Variants in CFLAR observed in about 807,000 individuals in gnomAD.
CFLAR encodes the protein CASP8 and FADD like apoptosis regulator, also known as CASP8 and FADD-like apoptosis regulator.
A neutral mutation model predicts 51.1 loss-of-function variants in CFLAR; 14 were observed. The observed-to-expected ratio is 0.27, with a 90% CI of 0.18 to 0.43. CFLAR has a LOEUF of 0.43. CFLAR is among the 20% of genes least tolerant of loss of function. The probability of loss-of-function intolerance (pLI) is 1.00; values close to 1 mark genes in which losing one functional copy is unlikely to be tolerated. For synonymous variants in CFLAR, 210 were observed against 211.6 expected (o/e 0.99, Z 0.06); for missense variants, 390 against 566.5 (o/e 0.69, Z 3.16).
At chr2:201,142,080 A>G (rs1939050692) in intron 5 of CFLAR, 1 of 152,142 alleles carries the variant, frequency 6.6e-6, no homozygotes, top group Non-Finnish European at 1.5e-5. Context: ...GTTCGAGACA[A>G]ACCTGGTCAA....
At chr2:201,148,864 A>T in intron 6 of CFLAR, 139 bp from the exon 7 acceptor site, 1 of 624,360 alleles carries the variant, frequency 1.6e-6, no homozygotes. Flanking sequence ...CCTTGGGGCC[A>T]AGTATAGCTG....
intron 3 of CFLAR, among the ~76,000 whole-genome samples, chr2:201,133,338 C>A (rs2049579633): frequency 6.6e-6 from 1 of 152,162 alleles, no homozygotes; most frequent in African/African-American, 2.4e-5. Flanking sequence ...CTGGTGTGGT[C>A]TTGGATGTTT....
chr2:201,139,038 G>A (rs867100345), intron 4 of CFLAR: 1 of 443,978 alleles, frequency 2.3e-6, no homozygotes, highest in Admixed American at 2.6e-5. Flanking sequence ...TTGTTACTGT[G>A]TCTGTGTAGA....
chr2:201,164,657 A>C lies in CFLAR; in HGVS notation c.*684A>C, dbSNP rs536954123. Reference sequence around the variant, plus strand: ...TGCCTTTCCCAGTCCACTGACTCAAATGTTAAATCTCCTTTGGCAGCACCC... The same window carrying C: ...TGCCTTTCCCAGTCCACTGACTCAACTGTTAAATCTCCTTTGGCAGCACCC... On this transcript the variant is annotated 3_prime_UTR_variant, in exon 10 of 10. Transcript: ENST00000309955. 5.9e-5 allele frequency: 9 copies of C among 152,278 alleles called. No homozygotes were observed. The highest frequency in any genetic ancestry group is 6.5e-5 in the Admixed American group (1 of 15,290). The allele number at this position is 152,278 out of a possible 1,614,324, so 9.4% of individuals were successfully genotyped here.
At chr2:201,159,989 G>A (rs1261965028) in intron 8 of CFLAR, among the ~76,000 whole-genome samples, 1 of 152,178 alleles carries the variant, frequency 6.6e-6, no homozygotes, top group African/African-American at 2.4e-5. Flanking sequence ...TTGGCAGGAA[G>A]CCTGTTCTTC....
Position 201,165,239 on chromosome 2 carries a change from T to C in CFLAR, c.*1266T>C, listed in dbSNP as rs1012078509. ...CCATTGTTTGAAATATCATTAGAGT[T>C]GCTTATTATTATTATTATTATTATT... On this transcript the variant is annotated 3_prime_UTR_variant, in exon 10 of 10. Coordinates refer to ENST00000309955, the MANE Select transcript of CFLAR (RefSeq NM_003879.7). 8.7e-6 allele frequency: 1 copy of C among 115,014 alleles called. No homozygotes were observed. The highest frequency in any genetic ancestry group is 3.3e-5 in the African/African-American group (1 of 30,262). The allele number at this position is 115,014 out of a possible 1,614,324, so 7.1% of individuals were successfully genotyped here.
intron 2 of CFLAR, among the ~76,000 whole-genome samples, chr2:201,131,332 T>C (rs1290430477): frequency 6.6e-6 from 1 of 152,110 alleles, no homozygotes; most frequent in Non-Finnish European, 1.5e-5. Flanking sequence ...TGCTTCTGGG[T>C]TCAAGTGATT....
At chr2:201,145,520 T>A in intron 6 of CFLAR, 88 bp downstream of exon 6, 1 of 844,196 alleles carries the variant, frequency 1.2e-6, no homozygotes, top group Non-Finnish European at 2.0e-6. Context: ...GGTCATTTCC[T>A]TTATCTACAT....
In CFLAR at chr2:201,138,460, A is replaced by G; in HGVS notation, c.524-1897A>G. 1 of 886,788 alleles carries G rather than the reference A, an allele frequency of 1.1e-6. No individual in the cohort carries two copies. The highest frequency in any genetic ancestry group is 1.9e-6 in the Non-Finnish European group (1 of 525,096). The allele number at this position is 886,788 out of a possible 1,614,324, so 54.9% of individuals were successfully genotyped here. On this transcript the variant is annotated intron_variant, in intron 4 of 9. Transcript: ENST00000309955. The surrounding 1 kb of genome is among the most constrained non-coding windows in gnomAD (Gnocchi z 4.0). ...GCTTCCTTTCTTACTAAGCTGCAGG[A>G]TCTCATTTGCCTCTTTCAACCTCAC...
chr2:201,133,129 G>A lies in CFLAR; in HGVS notation c.382G>A (p.Glu128Lys). 1 of 1,611,396 alleles carries A rather than the reference G, an allele frequency of 6.2e-7. No individual in the cohort carries two copies. Among genetic ancestry groups the A allele is most frequent in the Non-Finnish European group, 8.5e-7 (1 of 1,177,536 alleles). Residue 128 changes from glutamate (E) to lysine (K), a missense_variant, in exon 3 of 10, where the codon GAG becomes AAG. Glu to Lys is a moderately conservative substitution (Grantham distance 56). Transcript: ENST00000309955. ...DYMGRGKISKEKSFLDLVVEL... is the reference protein window; with the variant it reads ...DYMGRGKISKKKSFLDLVVEL... ...CATGGGCCGAGGCAAGATAAGCAAG[G>A]AGAAGGTGAGTTTTCTTCTTTTGGT...
chr2:201,141,171 G>A (rs2125780196), intron 5 of CFLAR, among the ~76,000 whole-genome samples: 1 of 152,246 alleles, frequency 6.6e-6, no homozygotes, highest in African/African-American at 2.4e-5. Flanking sequence ...AGTGGAGGTT[G>A]CAGTAGCCAA....
rs778008665 is a variant in CFLAR at position 201,160,582 on chromosome 2, G to T, written c.944G>T (p.Arg315Leu). Residue 315 changes from arginine (R) to leucine (L), a missense_variant, in exon 9 of 10, where the codon CGA becomes CTA. By Grantham distance (102) the Arg-to-Leu change is moderately radical (BLOSUM62 -2). Transcript: ENST00000309955. ...YDSFVCVLVS[R>L]GGSQSVYGVD... Reference sequence around the variant, plus strand: ...AGCTTTGTGTGTGTCCTGGTGAGCCGAGGAGGCTCCCAGAGTGTGTATGGT... The same window carrying T: ...AGCTTTGTGTGTGTCCTGGTGAGCCTAGGAGGCTCCCAGAGTGTGTATGGT... 6.2e-7 allele frequency: 1 copy of T among 1,613,962 alleles called. No individual in the cohort carries two copies.
chr2:201,160,585 G>C lies in CFLAR; in HGVS notation c.947G>C (p.Gly316Ala). 6.2e-7 allele frequency: 1 copy of C among 1,614,060 alleles called. No homozygotes were observed. The highest frequency in any genetic ancestry group is 8.5e-7 in the Non-Finnish European group (1 of 1,180,012). Reference protein sequence around the residue: ...DSFVCVLVSRGGSQSVYGVDQ... With the variant: ...DSFVCVLVSRAGSQSVYGVDQ... ...TTTGTGTGTGTCCTGGTGAGCCGAG[G>C]AGGCTCCCAGAGTGTGTATGGTGTG... Residue 316 changes from glycine (G) to alanine (A), a missense_variant, in exon 9 of 10, where the codon GGA becomes GCA. Coordinates refer to ENST00000309955, the MANE Select transcript of CFLAR (RefSeq NM_003879.7).
intron 6 of CFLAR, chr2:201,147,919 C>T (rs1440291681): frequency 6.6e-6 from 1 of 152,112 alleles, no homozygotes; most frequent in Non-Finnish European, 1.5e-5. Context: ...TTAATTTGGA[C>T]TTCCAAATAG....
Position 201,116,670 on chromosome 2 carries a change from G to T in CFLAR, c.-138+189G>T, listed in dbSNP as rs577070142. Among the ~76,000 whole-genome samples, 36 of 152,370 alleles carry T rather than the reference G, an allele frequency of 2.4e-4. 1 individual carries two copies. Among genetic ancestry groups the T allele is most frequent in the African/African-American group, 7.7e-4 (32 of 41,592 alleles). Reference sequence around the variant, plus strand: ...AGGTGGCCGGCAGTGGCCAGGGGATGGCGGGGGCGCTTCTGGAACCTGACT... The same window carrying T: ...AGGTGGCCGGCAGTGGCCAGGGGATTGCGGGGGCGCTTCTGGAACCTGACT... On this transcript the variant is annotated intron_variant, in intron 1 of 9. Coordinates refer to ENST00000309955, the MANE Select transcript of CFLAR (RefSeq NM_003879.7). This position sits in a 1 kb window ranked among gnomAD's most constrained non-coding sequence, Gnocchi z 4.8.
At chr2:201,133,331 G>A (rs140816628) in intron 3 of CFLAR, among the ~76,000 whole-genome samples, 197 bp downstream of exon 3, 2 of 152,170 alleles carry the variant, frequency 1.3e-5, no homozygotes, top group Non-Finnish European at 2.9e-5. Context: ...ACATCTTCTG[G>A]TGTGGTCTTG....
At chr2:201,122,150 A>T (rs1559169396) in intron 1 of CFLAR, among the ~76,000 whole-genome samples, 1 of 152,256 alleles carries the variant, frequency 6.6e-6, no homozygotes, top group South Asian at 2.1e-4. Flanking sequence ...TCTATCAAAT[A>T]AATTGAAGCC....
At chr2:201,161,681 C>G (rs1209258832) in intron 9 of CFLAR, among the ~76,000 whole-genome samples, 5 of 150,364 alleles carry the variant, frequency 3.3e-5, no homozygotes, top group African/African-American at 1.2e-4. Context: ...TCCCAAAGTG[C>G]TAGGATTACA....
chr2:201,161,891 C>T (rs1033012094), intron 9 of CFLAR, among the ~76,000 whole-genome samples: 3 of 151,836 alleles, frequency 2.0e-5, no homozygotes, highest in Admixed American at 6.6e-5. Context: ...GGATTACAGG[C>T]GTCCGCCATC....
Sources: gnomAD v4.1 joint callset for allele counts (sites outside exome capture counted in the v4.1 genomes callset) on GRCh38, gnomAD v4.1.1 for gene constraint, Gnocchi (gnomAD v3.1) non-coding constraint, MANE v1.5 for transcripts, NCBI Gene and HGNC (gene_info 2026-07-23, HGNC 2026-07-21) for gene names.